DNAH7: variants seen among roughly 807,000 people sequenced by gnomAD.
DNAH7 encodes dynein axonemal heavy chain 7.
In DNAH7, 397 loss-of-function variants were observed where a neutral mutation model predicts 444.6. That is an observed-to-expected ratio of 0.89 (90% CI 0.82 to 0.97). The LOEUF (loss-of-function observed/expected upper bound fraction) is 0.97, where lower values mean the gene tolerates loss of function less well. DNAH7 is among the 50% of genes least tolerant of loss of function. The pLI, the probability that DNAH7 is intolerant of heterozygous loss-of-function variation, is 0.00. For synonymous variants in DNAH7, 1,636 were observed against 1,624.4 expected, an observed-to-expected ratio of 1.01 and a Z score of -0.17; for missense variants, 4,902 against 4,800.8, an observed-to-expected ratio of 1.02 and a Z score of -0.62.
chr2:195,976,117 T>C (rs1692169318), intron 15 of DNAH7, among the ~76,000 whole-genome samples: 1 of 152,146 alleles, frequency 6.6e-6, no homozygotes, highest in Admixed American at 6.5e-5. Flanking sequence ...GAGTATGAAG[T>C]GGGATCTCGG....
chr2:195,738,087 C>CAA lies in DNAH7; in HGVS notation c.11908_11909insTT (p.Arg3970LeufsTer29). 1 of 1,613,886 alleles carries CAA rather than the reference C, an allele frequency of 6.2e-7. No individual in the cohort carries two copies. The highest frequency in any genetic ancestry group is 2.2e-5 in the East Asian group (1 of 44,874). ...ATACAATGGAGCAACATAACTTGGC[C>CAA]GTTTTGGTATATCTGCCCTCTTACA... On this transcript the variant is annotated frameshift_variant, in exon 65 of 65. Coordinates refer to ENST00000312428, the MANE Select transcript of DNAH7 (RefSeq NM_018897.3). LOFTEE classifies it low-confidence loss of function (END_TRUNC).
chr2:195,827,710 G>A (rs1341748335), intron 48 of DNAH7, among the ~76,000 whole-genome samples: 2 of 151,328 alleles, frequency 1.3e-5, no homozygotes, highest in Non-Finnish European at 2.9e-5. Flanking sequence ...CCTCACATAG[G>A]TGGAACTATA....
intron 17 of DNAH7, among the ~76,000 whole-genome samples, chr2:195,966,797 A>G (rs904728945): frequency 8.5e-4 from 130 of 152,154 alleles, no homozygotes; most frequent in Non-Finnish European, 1.1e-3. Context: ...GGCATGGAAT[A>G]TATTTTTTCA....
intron 5 of DNAH7, among the ~76,000 whole-genome samples, chr2:196,038,440 C>T (rs1349955149): frequency 6.6e-6 from 1 of 151,980 alleles, no homozygotes; most frequent in Non-Finnish European, 1.5e-5. Flanking sequence ...TATAAAACAA[C>T]CAGAAAACAA....
chr2:195,738,769 T>A (rs1692808730), intron 64 of DNAH7, among the ~76,000 whole-genome samples: 1 of 152,196 alleles, frequency 6.6e-6, no homozygotes, highest in African/African-American at 2.4e-5. Flanking sequence ...TTCATAAAGA[T>A]ATTTTAGAAT....
In DNAH7 at chr2:195,926,417, A is replaced by C; in HGVS notation, c.3612+9T>G. 4.6e-6 allele frequency: 7 copies of C among 1,509,730 alleles called. No individual in the cohort carries two copies. Among genetic ancestry groups the C allele is most frequent in the Non-Finnish European group, 6.2e-6 (7 of 1,133,724 alleles). 93.5% of individuals were successfully genotyped at this position (1,509,730 alleles called of 1,614,324 possible). ...GCTTAAAAAAACCCGAGGGTTAATA[A>C]AACCTTACCTTTATCCCCATTGGAA... On this transcript the variant is annotated intron_variant, in intron 22 of 64. Coordinates refer to ENST00000312428, the MANE Select transcript of DNAH7 (RefSeq NM_018897.3).
At chr2:195,870,310 G>A (rs1161311271) in intron 40 of DNAH7, among the ~76,000 whole-genome samples, 2 of 152,050 alleles carry the variant, frequency 1.3e-5, no homozygotes, top group African/African-American at 4.8e-5. Flanking sequence ...AAGGTAAGCA[G>A]TAAAAAATCA....
intron 61 of DNAH7, among the ~76,000 whole-genome samples, chr2:195,758,296 C>T (rs1439965128): frequency 6.6e-6 from 1 of 152,182 alleles, no homozygotes; most frequent in African/African-American, 2.4e-5. Flanking sequence ...CCAGAAAAGG[C>T]TTCTAACATG....
intron 48 of DNAH7, among the ~76,000 whole-genome samples, chr2:195,833,964 T>C (rs1427149689): frequency 6.6e-6 from 1 of 152,002 alleles, no homozygotes; most frequent in Non-Finnish European, 1.5e-5. Flanking sequence ...CAACCTGTCT[T>C]AGGAGGCCAA....
intron 5 of DNAH7, among the ~76,000 whole-genome samples, chr2:196,040,596 A>T (rs934632472): frequency 6.6e-6 from 1 of 152,164 alleles, no homozygotes; most frequent in African/African-American, 2.4e-5. Context: ...GCCATATATG[A>T]CAAATCTGCA....
chr2:195,993,343 A>G (rs1693473819), intron 12 of DNAH7, among the ~76,000 whole-genome samples: 1 of 152,228 alleles, frequency 6.6e-6, no homozygotes, highest in Admixed American at 6.5e-5. Flanking sequence ...TGTAATGTGA[A>G]TTTGTAAAAT....
At chr2:195,748,712 C>G (rs1429975897) in intron 63 of DNAH7, among the ~76,000 whole-genome samples, 1 of 152,102 alleles carries the variant, frequency 6.6e-6, no homozygotes, top group African/African-American at 2.4e-5. Flanking sequence ...CTTTGACAAA[C>G]CTGAGAAAAA....
intron 6 of DNAH7, 111 bp from the exon 7 acceptor site, chr2:196,027,051 G>T: frequency 1.4e-6 from 1 of 735,888 alleles, no homozygotes; most frequent in Non-Finnish European, 2.1e-6. Flanking sequence ...TATTTATAAA[G>T]CATAAAAAAG....
At chr2:195,759,170 A>C (rs188934800) in intron 61 of DNAH7, among the ~76,000 whole-genome samples, 1 of 152,148 alleles carries the variant, frequency 6.6e-6, no homozygotes, top group Non-Finnish European at 1.5e-5. Flanking sequence ...GGAAGAGTAA[A>C]GAGGACTTTG....
intron 15 of DNAH7, among the ~76,000 whole-genome samples, chr2:195,975,661 A>G (rs1253332535): frequency 6.6e-6 from 1 of 152,134 alleles, no homozygotes; most frequent in Non-Finnish European, 1.5e-5. Flanking sequence ...AGACCCCTTC[A>G]TTCCACTTGA....
At chr2:196,048,259 T>C (rs1433549628) in intron 4 of DNAH7, 37 bp downstream of exon 4, 1 of 1,531,370 alleles carries the variant, frequency 6.5e-7, no homozygotes, top group Non-Finnish European at 9.0e-7. Flanking sequence ...CTCTACAAAT[T>C]ATCCTTAAAT....
At position 195,864,541 on chromosome 2, in the gene DNAH7, C is replaced by T. The variant is rs1445437992; in HGVS notation, c.7114G>A (p.Asp2372Asn). Reference sequence around the variant, plus strand: ...AAATCTTCATGCCATTCAGTAGTATCATACCCCTTAGAGATTTCAACTTGG... The same window carrying T: ...AAATCTTCATGCCATTCAGTAGTATTATACCCCTTAGAGATTTCAACTTGG... ...VFQVEISKGYDTTEWHEDLKV... is the reference protein window; with the variant it reads ...VFQVEISKGYNTTEWHEDLKV... Residue 2372 changes from aspartate to asparagine, a missense_variant, in exon 41 of 65, where the codon GAT becomes AAT. Physicochemically the swap from Asp to Asn is conservative, Grantham distance 23. Transcript: ENST00000312428. 1 of 1,614,146 alleles carries T rather than the reference C, an allele frequency of 6.2e-7. No homozygotes were observed. The highest frequency in any genetic ancestry group is 1.1e-5 in the South Asian group (1 of 91,076).
At chr2:195,791,445 T>C (rs1332671158) in intron 57 of DNAH7, among the ~76,000 whole-genome samples, 2 of 151,210 alleles carry the variant, frequency 1.3e-5, no homozygotes, top group East Asian at 3.9e-4. Flanking sequence ...GGAATGCTTA[T>C]ACACTGTTGG....
intron 5 of DNAH7, among the ~76,000 whole-genome samples, chr2:196,044,824 C>CT: frequency 6.6e-6 from 1 of 152,184 alleles, no homozygotes; most frequent in East Asian, 1.9e-4. Context: ...TCCCAGCACT[C>CT]TGAGAGGTTG....
Sources: allele counts gnomAD v4.1 joint callset (sites outside exome capture counted in the v4.1 genomes callset), GRCh38; gene constraint gnomAD v4.1.1; transcripts MANE v1.5; gene names NCBI Gene and HGNC (gene_info 2026-07-23, HGNC 2026-07-21).